THTPA: variants seen among roughly 807,000 people sequenced by gnomAD.
THTPA encodes the protein thiamine-triphosphatase.
In THTPA, 16 loss-of-function variants were observed where a neutral mutation model predicts 16.5. That is an observed-to-expected ratio of 0.97 (90% CI 0.66 to 1.47). THTPA has a LOEUF of 1.47. THTPA is among the 40% of genes most tolerant of loss of function. The pLI is 0.00. For missense variants in THTPA, 281 were observed against 280.9 expected (o/e 1.00, Z 0.00); for synonymous variants, 110 against 115.5 (o/e 0.95, Z 0.30).
chr14:23,525,532 T>A, the THTPA span: 1 of 1,533,738 alleles, frequency 6.5e-7, no homozygotes, highest in Non-Finnish European at 8.7e-7. The surrounding 1 kb of genome is among the most constrained non-coding windows in gnomAD (Gnocchi z 5.9). Flanking sequence ...GGGCCTCAGG[T>A]GGGGGTGGGG....
At chr14:23,525,067 C>T in the THTPA span, 1 of 1,536,184 alleles carries the variant, frequency 6.5e-7, no homozygotes, top group South Asian at 1.2e-5. The surrounding 1 kb of genome is among the most constrained non-coding windows in gnomAD (Gnocchi z 5.9). Context: ...CGAGTCGCTC[C>T]ACCTCTCCGT....
the THTPA span, among the ~76,000 whole-genome samples, chr14:23,538,351 A>G: frequency 6.9e-6 from 1 of 144,042 alleles, no homozygotes; most frequent in South Asian, 2.3e-4. Flanking sequence ...TTCTTCTCGG[A>G]GCTTCTCCCA....
At position 23,560,143 on chromosome 14, in the gene THTPA, G is replaced by A; in HGVS notation, c.*1303G>A. ...CTTTTCCTGTAACTCCCCAAGTGCT[G>A]ATCTCCAGATGACTCAATCCCATCT... On this transcript the variant is annotated 3_prime_UTR_variant, in exon 2 of 2. Coordinates refer to ENST00000288014, the MANE Select transcript of THTPA (RefSeq NM_024328.6). The A allele has an allele frequency of 6.8e-7, 1 of 1,467,356 alleles. No homozygotes were observed. The highest frequency in any genetic ancestry group is 9.4e-7 in the Non-Finnish European group (1 of 1,067,618). The allele number at this position is 1,467,356 out of a possible 1,614,324, so 90.9% of individuals were successfully genotyped here. A position where few individuals can be genotyped will look rare whatever the true frequency, so the allele number is the denominator to read the frequency against.
the THTPA span, among the ~76,000 whole-genome samples, chr14:23,519,022 C>A: frequency 6.6e-6 from 1 of 152,158 alleles, no homozygotes; most frequent in African/African-American, 2.4e-5. Context: ...AGAGTCAGCC[C>A]GGCTCTTTTG....
chr14:23,524,944 A>G, the THTPA span: 3 of 1,536,106 alleles, frequency 2.0e-6, no homozygotes, highest in Admixed American at 2.0e-5. The surrounding 1 kb of genome is among the most constrained non-coding windows in gnomAD (Gnocchi z 5.6). Flanking sequence ...AGGCTCCCCC[A>G]GTGCCTCCTC....
the THTPA span, chr14:23,533,467 G>C: frequency 1.0e-5 from 16 of 1,535,176 alleles, no homozygotes; most frequent in East Asian, 2.4e-5. This position sits in a 1 kb window ranked among gnomAD's most constrained non-coding sequence, Gnocchi z 4.8. Context: ...AGCCCCTGGT[G>C]GGGGAGGAGG....
intron 1 of THTPA, among the ~76,000 whole-genome samples, chr14:23,558,369 CA>C (rs1882792997): frequency 6.6e-6 from 1 of 152,232 alleles, no homozygotes; most frequent in African/African-American, 2.4e-5. Context: ...GATTGCGGAA[CA>C]GGGTAATAAC....
chr14:23,560,038 T>A lies in THTPA; in HGVS notation c.*1198T>A. 1 of 1,596,174 alleles carries A rather than the reference T, an allele frequency of 6.3e-7. No homozygotes were observed. The highest frequency in any genetic ancestry group is 1.1e-5 in the South Asian group (1 of 89,940). On this transcript the variant is annotated 3_prime_UTR_variant, in exon 2 of 2. Transcript: ENST00000288014. ...GGCCTGCAGCTGCAGCTGGAGACTC[T>A]GAACACAGGAGTTTAACAGAGCACA... is the stretch of plus-strand genomic sequence containing the variant.
chr14:23,534,841 G>T, the THTPA span: 1 of 1,536,160 alleles, frequency 6.5e-7, no homozygotes, highest in East Asian at 2.4e-5. This position sits in a 1 kb window ranked among gnomAD's most constrained non-coding sequence, Gnocchi z 4.5. Context: ...GTGTGAGGGG[G>T]GTGGGTAGGC....
chr14:23,514,371 GC>G, the THTPA span: 1 of 152,720 alleles, frequency 6.5e-6, no homozygotes, highest in Non-Finnish European at 1.5e-5. Context: ...GTCCTGCCTG[GC>G]CCCCAGCCAG....
At chr14:23,535,751 CCTGA>C in the THTPA span, among the ~76,000 whole-genome samples, 1 of 152,014 alleles carries the variant, frequency 6.6e-6, no homozygotes, top group Non-Finnish European at 1.5e-5. This position sits in a 1 kb window ranked among gnomAD's most constrained non-coding sequence, Gnocchi z 4.5. Flanking sequence ...TGCCACCACA[CCTGA>C]CTAATTTTGT....
chr14:23,533,379 G>C, the THTPA span: 5 of 1,458,126 alleles, frequency 3.4e-6, no homozygotes, highest in Admixed American at 2.5e-5. The surrounding 1 kb of genome is among the most constrained non-coding windows in gnomAD (Gnocchi z 4.8). Context: ...TCAGCCCCGG[G>C]CCAGCCAAGG....
the THTPA span, among the ~76,000 whole-genome samples, chr14:23,512,286 G>A: frequency 6.6e-6 from 1 of 151,916 alleles, no homozygotes; most frequent in Non-Finnish European, 1.5e-5. Context: ...AGTGCCCACC[G>A]CCATGGATGC....
chr14:23,527,618 T>G, the THTPA span: 1 of 1,536,508 alleles, frequency 6.5e-7, no homozygotes, highest in African/African-American at 1.4e-5. Flanking sequence ...AGCAGCAGCT[T>G]CTCAACGCAC....
At chr14:23,522,404 T>G in the THTPA span, 2 of 1,536,204 alleles carry the variant, frequency 1.3e-6, no homozygotes, top group Admixed American at 2.0e-5. Context: ...AGCTTCCCCC[T>G]CCCCTGGAGC....
the THTPA span, chr14:23,522,719 C>T: frequency 1.4e-5 from 22 of 1,536,478 alleles, no homozygotes; most frequent in African/African-American, 2.7e-5. Context: ...ATTGGAGGAG[C>T]TGGTGGGGCC....
At chr14:23,513,435 A>T in the THTPA span, 1 of 152,800 alleles carries the variant, frequency 6.5e-6, no homozygotes, top group African/African-American at 2.4e-5. Context: ...ACATGTACGC[A>T]TAAGCGTGTG....
At position 23,556,817 on chromosome 14, in the gene THTPA, G is replaced by A. The variant is rs1428558748; in HGVS notation, c.60G>A (p.Glu20=). Residue 20 remains glutamate, a synonymous_variant, in exon 1 of 2, where the codon GAG becomes GAA. Transcript: ENST00000288014. The stretch of plus-strand genomic sequence containing the variant: ...TCCTTCCAGGGCCTGGCACAGAGGA[G>A]CGGCTGCAGGAGTTGGGGGGCACCC... The part of the protein sequence containing the change: ...RKFLPGPGTE[E]RLQELGGTLE... The A allele has an allele frequency of 6.2e-7, 1 of 1,613,544 alleles. No individual in the cohort carries two copies. Among genetic ancestry groups the A allele is most frequent in the Non-Finnish European group, 8.5e-7 (1 of 1,179,764 alleles).
the THTPA span, chr14:23,533,118 A>G: frequency 2.0e-6 from 3 of 1,484,400 alleles, no homozygotes; most frequent in Admixed American, 6.5e-5. The surrounding 1 kb of genome is among the most constrained non-coding windows in gnomAD (Gnocchi z 4.8). Flanking sequence ...GGCCCAAGAA[A>G]GAAATGGGGC....
Sources: allele counts gnomAD v4.1 joint callset (sites outside exome capture counted in the v4.1 genomes callset), GRCh38; gene constraint gnomAD v4.1.1; non-coding constraint Gnocchi (gnomAD v3.1); transcripts MANE v1.5; gene names NCBI Gene and HGNC (gene_info 2026-07-23, HGNC 2026-07-21).